ZNF280C: variants seen among roughly 807,000 people sequenced by gnomAD.
ZNF280C encodes the protein suppressor of hairy wing homolog 3.
Under a neutral mutation model 53.6 loss-of-function variants are expected in ZNF280C, and 14 were observed. The ratio of observed to expected loss-of-function variants is 0.26; its 90% CI spans 0.17 to 0.41. The LOEUF (loss-of-function observed/expected upper bound fraction) is 0.41. Among genes scored for constraint, ZNF280C ranks in the 10% least tolerant of loss-of-function variants. The pLI is 1.00. For missense variants in ZNF280C, 416 were observed against 547.1 expected, an observed-to-expected ratio of 0.76 and a Z score of 2.39; for synonymous variants, 203 against 181.1, an observed-to-expected ratio of 1.12 and a Z score of -0.97.
intron 1 of ZNF280C, among the ~76,000 whole-genome samples, chrX:130,265,519 CCT>C (rs1466335805): frequency 6.5e-4 from 73 of 111,899 alleles, no homozygotes; most frequent in Non-Finnish European, 1.2e-3. Flanking sequence ...CCTAAAGTAA[CCT>C]CAAGAAGTAT....
intron 5 of ZNF280C, among the ~76,000 whole-genome samples, chrX:130,241,099 G>A (rs1426589049): frequency 9.0e-6 from 1 of 111,266 alleles, no homozygotes; most frequent in African/African-American, 3.3e-5. Flanking sequence ...ACTAAGGTCC[G>A]CCTGATTACA....
At chrX:130,244,420 C>T (rs1603244162) in intron 3 of ZNF280C, among the ~76,000 whole-genome samples, 2 of 111,358 alleles carry the variant, frequency 1.8e-5, no homozygotes, top group African/African-American at 6.5e-5. Flanking sequence ...CAGGAAAAGG[C>T]ACAAAGCATT....
chrX:130,229,147 T>A lies in ZNF280C; in HGVS notation c.990-13A>T. The stretch of plus-strand genomic sequence containing the variant: ...GTGGTTCATAAACCTACAAACAATT[T>A]GCCAGTAAGAGCAAAAATTCAGACT... On this transcript the variant is annotated splice_polypyrimidine_tract_variant and intron_variant, in intron 9 of 18. Coordinates refer to ENST00000370978, the MANE Select transcript of ZNF280C (RefSeq NM_017666.5). 1.7e-6 allele frequency: 2 copies of A among 1,180,638 alleles called. No homozygotes were observed. The highest frequency in any genetic ancestry group is 2.3e-6 in the Non-Finnish European group (2 of 877,142).
intron 8 of ZNF280C, among the ~76,000 whole-genome samples, 158 bp from the exon 9 acceptor site, chrX:130,230,885 T>C (rs915372002): frequency 5.4e-5 from 6 of 112,049 alleles, no homozygotes; most frequent in African/African-American, 1.9e-4. Context: ...CATTTTTACA[T>C]ATTCTAAAAA....
At chrX:130,252,592 T>C (rs1396070260) in intron 2 of ZNF280C, among the ~76,000 whole-genome samples, 2 of 109,896 alleles carry the variant, frequency 1.8e-5, no homozygotes, top group Non-Finnish European at 3.8e-5. Flanking sequence ...TGGTGGCGCG[T>C]GTCTGCAGTC....
chrX:130,233,939 A>G (rs2032305507), intron 8 of ZNF280C, among the ~76,000 whole-genome samples: 1 of 111,158 alleles, frequency 9.0e-6, no homozygotes, highest in Admixed American at 9.6e-5. Flanking sequence ...GGTGGAAAAC[A>G]AAAGAAAAAC....
In ZNF280C at chrX:130,247,008, A is replaced by G; in HGVS notation, c.32-3T>C. 4 of 1,197,192 alleles carry G rather than the reference A, an allele frequency of 3.3e-6. No individual in the cohort carries two copies. The highest frequency in any genetic ancestry group is 4.5e-6 in the Non-Finnish European group (4 of 889,998). On this transcript the variant is annotated splice_region_variant and splice_polypyrimidine_tract_variant and intron_variant, in intron 2 of 18. Coordinates refer to ENST00000370978, the MANE Select transcript of ZNF280C (RefSeq NM_017666.5). ...GAGTTCTGCCATTTTTGAAATGTCT[A>G]ATTTTCAAGAGAAGAGAAGCTAACT...
intron 2 of ZNF280C, among the ~76,000 whole-genome samples, chrX:130,249,961 G>T (rs1161653091): frequency 8.9e-6 from 1 of 112,053 alleles, no homozygotes; most frequent in Non-Finnish European, 1.9e-5. Flanking sequence ...GTATAGAAAA[G>T]AACGTAACTG....
At chrX:130,209,951 G>C (rs376372570) in intron 15 of ZNF280C, among the ~76,000 whole-genome samples, 2 of 111,253 alleles carry the variant, frequency 1.8e-5, no homozygotes, top group African/African-American at 6.5e-5. Flanking sequence ...CCTTTGGGAG[G>C]TGATTAGGTC....
At chrX:130,267,931 C>T (rs1379621896) in intron 1 of ZNF280C, among the ~76,000 whole-genome samples, 2 of 111,891 alleles carry the variant, frequency 1.8e-5, no homozygotes, top group Non-Finnish European at 3.8e-5. Context: ...AGAGAATCCC[C>T]TGGATGAAGG....
Position 130,219,486 on chromosome X carries a change from C to CA in ZNF280C, c.1527+862dup, listed in dbSNP as rs11299878. Among the ~76,000 whole-genome samples, 179 of 32,752 alleles carry CA rather than the reference C, an allele frequency of 5.5e-3. 21 individuals are homozygous for CA. Among genetic ancestry groups the CA allele is most frequent in the African/African-American group, 0.013 (90 of 6,895 alleles). The allele number at this position is 32,752 out of a possible 115,157, so 28.4% of individuals were successfully genotyped here. ...TGAGGGATAGAGTGAGACTCTGTCT[C>CA]AAAAAAAAAAAAAAAAAAAAAAAAA... On this transcript the variant is annotated intron_variant, in intron 13 of 18. Coordinates refer to ENST00000370978, the MANE Select transcript of ZNF280C (RefSeq NM_017666.5).
At chrX:130,222,884 T>C (rs2032183660) in intron 12 of ZNF280C, among the ~76,000 whole-genome samples, 1 of 111,454 alleles carries the variant, frequency 9.0e-6, no homozygotes, top group South Asian at 3.8e-4. Flanking sequence ...TGACCTCCAG[T>C]GATCCACCCT....
chrX:130,238,079 T>C (rs747152604), intron 6 of ZNF280C, among the ~76,000 whole-genome samples: 1 of 111,344 alleles, frequency 9.0e-6, no homozygotes, highest in Non-Finnish European at 1.9e-5. Flanking sequence ...TCTGTGCTAA[T>C]AAAAATCCTA....
rs200415931 is a variant in ZNF280C, at chrX:130,248,196, AG to A, written c.32-1192del. On this transcript the variant is annotated intron_variant, in intron 2 of 18. Transcript: ENST00000370978. ...TGGTGCACTCTTAACACATCTTCAA[AG>A]GGGAGGTGCTGAGTGGGCTGAGGGA... 7.8e-3 allele frequency among the ~76,000 whole-genome samples: 776 copies of A among 100,108 alleles called. 11 individuals are homozygous for A. Among genetic ancestry groups the A allele is most frequent in the African/African-American group, 0.027 (733 of 27,077 alleles). The allele number at this position is 100,108 out of a possible 115,157, so 86.9% of individuals were successfully genotyped here.
At chrX:130,238,048 T>C (rs762946903) in intron 6 of ZNF280C, among the ~76,000 whole-genome samples, 18 of 111,436 alleles carry the variant, frequency 1.6e-4, no homozygotes, top group African/African-American at 5.5e-4. Flanking sequence ...CTTGCGGTGT[T>C]CCCTACCTCA....
At position 130,229,143 on chromosome X, in the gene ZNF280C, A is replaced by G. The variant is rs1182233043; in HGVS notation, c.990-9T>C. ...TCATGTGGTTCATAAACCTACAAAC[A>G]ATTTGCCAGTAAGAGCAAAAATTCA... On this transcript the variant is annotated splice_polypyrimidine_tract_variant and intron_variant, in intron 9 of 18. Transcript: ENST00000370978. 1 of 1,184,239 alleles carries G rather than the reference A, an allele frequency of 8.4e-7. No homozygotes were observed. The highest frequency in any genetic ancestry group is 1.1e-6 in the Non-Finnish European group (1 of 880,220).
Position 130,255,149 on chromosome X carries a change from T to C in ZNF280C, c.31+5270A>G, listed in dbSNP as rs2032554559. Among the ~76,000 whole-genome samples the C allele has an allele frequency of 3.0e-5, 3 of 101,270 alleles. No individual in the cohort carries two copies. In the Admixed American group the frequency reaches 3.1e-4, roughly 11 times the overall value. The allele number at this position is 101,270 out of a possible 115,157, so 87.9% of individuals were successfully genotyped here. A position where few individuals can be genotyped will look rare whatever the true frequency, so the allele number is the denominator to read the frequency against. On this transcript the variant is annotated intron_variant, in intron 2 of 18. Coordinates refer to ENST00000370978, the MANE Select transcript of ZNF280C (RefSeq NM_017666.5). ...TCATTTTCTTTTTTTTTCTTTTTTT[T>C]TTTTTTTTTGAGACGGAGTCTCGCT...
chrX:130,252,591 G>A (rs944000484), intron 2 of ZNF280C, among the ~76,000 whole-genome samples: 11 of 110,015 alleles, frequency 1.0e-4, no homozygotes, highest in Non-Finnish European at 1.7e-4. Flanking sequence ...GTGGTGGCGC[G>A]TGTCTGCAGT....
intron 5 of ZNF280C, among the ~76,000 whole-genome samples, chrX:130,242,602 C>T (rs886123668): frequency 8.9e-6 from 1 of 111,968 alleles, no homozygotes; most frequent in African/African-American, 3.2e-5. Flanking sequence ...TGCAGTTGTG[C>T]GATCTCGGCT....
Sources: allele counts gnomAD v4.1 joint callset (sites outside exome capture counted in the v4.1 genomes callset), GRCh38; gene constraint gnomAD v4.1.1; transcripts MANE v1.5; gene names NCBI Gene and HGNC (gene_info 2026-07-23, HGNC 2026-07-21).